The following TNRC18 variants were observed in gnomAD, a reference collection of about 807,000 sequenced individuals.
TNRC18 encodes trinucleotide repeat-containing gene 18 protein.
In TNRC18, 69 loss-of-function variants were observed where a neutral mutation model predicts 226.7. The observed-to-expected ratio is 0.30, with a 90% CI of 0.25 to 0.37. The LOEUF (loss-of-function observed/expected upper bound fraction) is 0.37, where lower values mean the gene tolerates loss of function less well. Ranked by LOEUF, TNRC18 falls within the 10% of genes least tolerant of loss-of-function variation. The pLI is 1.00. For missense variants in TNRC18, 4,754 were observed against 4,256.6 expected (o/e 1.12, Z -3.25); for synonymous variants, 2,449 against 1,927.6 (o/e 1.27, Z -7.09).
In TNRC18 at chr7:5,346,033, G is replaced by A. The variant is rs75500366; in HGVS notation, c.5471-223C>T. ...CAACGCGGGCATCCCAGAAAGCCCG[G>A]AGGTGGGCAGCGGCCTTGTGTGTCA... On this transcript the variant is annotated intron_variant, in intron 17 of 29. Coordinates refer to ENST00000430969, the MANE Select transcript of TNRC18 (RefSeq NM_001080495.3). Among the ~76,000 whole-genome samples, 644 of 152,360 alleles carry A rather than the reference G, an allele frequency of 4.2e-3. 3 individuals carry two copies. The highest frequency in any genetic ancestry group is 7.4e-3 in the Non-Finnish European group (501 of 68,030).
Position 5,307,195 on chromosome 7 carries a change from G to A in TNRC18, c.*911C>T, listed in dbSNP as rs1301490673. ...AACAGGAAATAAAAAATAATATTCT[G>A]CACGTCAGAATGTTTTTTTTTATAA... is the stretch of plus-strand genomic sequence containing the variant. On this transcript the variant is annotated 3_prime_UTR_variant, in exon 30 of 30. Transcript: ENST00000430969. The A allele has an allele frequency of 2.0e-5, 2 of 101,144 alleles. No individual in the cohort carries two copies. Among genetic ancestry groups the A allele is most frequent in the African/African-American group, 4.1e-5 (1 of 24,488 alleles). 6.3% of individuals were successfully genotyped at this position (101,144 alleles called of 1,614,324 possible). A position where few individuals can be genotyped will look rare whatever the true frequency, so the allele number is the denominator to read the frequency against.
Position 5,377,652 on chromosome 7 carries a change from A to C in TNRC18, c.2256-76T>G, listed in dbSNP as rs560786772. ...GAGAGGGAGAAGCGGGGTTGCCCCA[A>C]GGAACTGTTTGCCACCAGGCCATGA... On this transcript the variant is annotated intron_variant, in intron 6 of 29. Coordinates refer to ENST00000430969, the MANE Select transcript of TNRC18 (RefSeq NM_001080495.3). This position sits in a 1 kb window ranked among gnomAD's most constrained non-coding sequence, Gnocchi z 5.8. 6.1e-5 allele frequency: 89 copies of C among 1,455,026 alleles called. No individual in the cohort carries two copies. The African/African-American group carries it at 1.0e-3, about 17-fold the overall frequency. 90.1% of individuals were successfully genotyped at this position (1,455,026 alleles called of 1,614,324 possible).
intron 19 of TNRC18, among the ~76,000 whole-genome samples, chr7:5,325,838 G>A (rs529665954): frequency 1.1e-4 from 15 of 142,630 alleles, no homozygotes; most frequent in Non-Finnish European, 1.9e-4. Flanking sequence ...CTGGGCTCAC[G>A]TTATCCTCCT....
At chr7:5,315,674 G>C (rs1787779583) in intron 25 of TNRC18, among the ~76,000 whole-genome samples, 1 of 152,188 alleles carries the variant, frequency 6.6e-6, no homozygotes, top group African/African-American at 2.4e-5. Context: ...CGCCCATCTT[G>C]GCCTCCCAAA....
intron 18 of TNRC18, among the ~76,000 whole-genome samples, chr7:5,335,209 A>G (rs1292387154): frequency 1.3e-5 from 2 of 149,920 alleles, no homozygotes; most frequent in African/African-American, 4.9e-5. Context: ...AGGCTTAGGC[A>G]GGAGAATCAC....
At position 5,321,183 on chromosome 7, in the gene TNRC18, G is replaced by C. The variant is rs185393033; in HGVS notation, c.6450C>G (p.Arg2150=). 1.1e-3 allele frequency: 1,648 copies of C among 1,545,776 alleles called. 8 individuals are homozygous for C. The African/African-American group carries it at 0.021, about 19-fold the overall frequency. The change falls in exon 22 of 30, where the codon CGC becomes CGG. Residue 2150 remains arginine (R), a synonymous_variant. Transcript: ENST00000430969. The part of the protein sequence containing the change: ...AVERPLTPAP[R]SCIIDKDELK... ...GCTCATCCTTGTCGATGATGCAGGAGCGAGGGGCTGCAGGGGTTGGATCGT... is the reference window on the plus strand; with the variant it reads ...GCTCATCCTTGTCGATGATGCAGGACCGAGGGGCTGCAGGGGTTGGATCGT...
At chr7:5,350,230 G>C (rs1224606911) in intron 17 of TNRC18, among the ~76,000 whole-genome samples, 1 of 152,100 alleles carries the variant, frequency 6.6e-6, no homozygotes, top group Non-Finnish European at 1.5e-5. Flanking sequence ...GCTGGCCAGT[G>C]GGTCGGGGGC....
chr7:5,384,600 G>A (rs1011990600), intron 5 of TNRC18, among the ~76,000 whole-genome samples: 44 of 151,736 alleles, frequency 2.9e-4, no homozygotes, highest in Admixed American at 2.8e-3. Flanking sequence ...GGACTCCAGT[G>A]ACCGTGAGCC....
intron 18 of TNRC18, among the ~76,000 whole-genome samples, chr7:5,341,633 G>A (rs1201480546): frequency 4.0e-5 from 6 of 151,628 alleles, no homozygotes; most frequent in South Asian, 2.1e-4. Flanking sequence ...ATGTGGTGGT[G>A]CACGCCTGTA....
chr7:5,332,170 C>T (rs959530830), intron 19 of TNRC18, among the ~76,000 whole-genome samples: 1 of 152,122 alleles, frequency 6.6e-6, no homozygotes, highest in Non-Finnish European at 1.5e-5. Context: ...AGCATGGTGG[C>T]TCATGCCTGT....
Position 5,374,562 on chromosome 7 carries a change from C to T in TNRC18, c.2800-78G>A, listed in dbSNP as rs936887694. 2.9e-5 allele frequency: 42 copies of T among 1,424,858 alleles called. 1 individual carries two copies. In the South Asian group the frequency reaches 5.1e-4, roughly 17 times the overall value. The allele number at this position is 1,424,858 out of a possible 1,614,324, so 88.3% of individuals were successfully genotyped here. A position where few individuals can be genotyped will look rare whatever the true frequency, so the allele number is the denominator to read the frequency against. On this transcript the variant is annotated intron_variant, in intron 9 of 29. Coordinates refer to ENST00000430969, the MANE Select transcript of TNRC18 (RefSeq NM_001080495.3). ...GACGCCCGCACCTGCCCTGTCCCCC[C>T]AAGGGTCCCCGAGTCCGAGGAGAAC...
intron 19 of TNRC18, among the ~76,000 whole-genome samples, chr7:5,330,399 ATTG>A (rs1464385954): frequency 1.3e-5 from 2 of 148,922 alleles, no homozygotes; most frequent in African/African-American, 4.9e-5. Context: ...CTCCCAGCTA[ATTG>A]TTTTTTTGTT....
chr7:5,330,050 A>G (rs1789351963), intron 19 of TNRC18: 1 of 469,154 alleles, frequency 2.1e-6, no homozygotes, highest in Non-Finnish European at 4.4e-6. Flanking sequence ...GCATCCCAAG[A>G]ACAGACACTG....
intron 9 of TNRC18, among the ~76,000 whole-genome samples, chr7:5,375,001 G>C (rs973079742): frequency 1.3e-5 from 2 of 152,194 alleles, no homozygotes; most frequent in Non-Finnish European, 2.9e-5. Flanking sequence ...TACCTGGGCC[G>C]GTCAGTCAAT....
Position 5,312,800 on chromosome 7 carries a change from C to T in TNRC18, c.8091G>A (p.Ala2697=), listed in dbSNP as rs749764256. 2.0e-5 allele frequency: 30 copies of T among 1,534,420 alleles called. No individual in the cohort carries two copies. Among genetic ancestry groups the T allele is most frequent in the East Asian group, 1.1e-4 (5 of 44,076 alleles). Residue 2697 remains alanine, a synonymous_variant, in exon 27 of 30, where the codon GCG becomes GCA. Transcript: ENST00000430969. The surrounding 1 kb of genome is among the most constrained non-coding windows in gnomAD (Gnocchi z 6.3). The stretch of plus-strand genomic sequence containing the variant: ...GCTTGGTGGCCTTGGTGGGGAGCGC[C>T]GCCTGCGCGGAAGGGCCAGCCGTGG... The part of the protein sequence containing the change: ...PAPTAGPSAQ[A]ALPTKATKQA...
chr7:5,335,255 T>A (rs1226677951), intron 18 of TNRC18, among the ~76,000 whole-genome samples: 1 of 126,846 alleles, frequency 7.9e-6, no homozygotes, highest in African/African-American at 2.9e-5. Flanking sequence ...TGAGCAGACA[T>A]TGCACCACTG....
intron 19 of TNRC18, among the ~76,000 whole-genome samples, chr7:5,328,143 G>C (rs375141221): frequency 6.6e-6 from 1 of 152,030 alleles, no homozygotes; most frequent in Admixed American, 6.6e-5. Context: ...ACTTGAACCC[G>C]GGAGGCAGAG....
At chr7:5,359,641 G>A in intron 14 of TNRC18, 72 bp from the exon 15 acceptor site, 2 of 1,583,498 alleles carry the variant, frequency 1.3e-6, no homozygotes, top group Non-Finnish European at 1.7e-6. Context: ...CACCCTCATG[G>A]CCCTGAAGGG....
At chr7:5,320,090 G>A (rs1788195206) in intron 24 of TNRC18, 2 of 522,724 alleles carry the variant, frequency 3.8e-6, no homozygotes, top group Non-Finnish European at 7.0e-6. Flanking sequence ...GAGCTAGTGT[G>A]AAGCCAGCAC....
Sources: gnomAD v4.1 joint callset for allele counts (sites outside exome capture counted in the v4.1 genomes callset) on GRCh38, gnomAD v4.1.1 for gene constraint, Gnocchi (gnomAD v3.1) non-coding constraint, MANE v1.5 for transcripts, NCBI Gene and HGNC (gene_info 2026-07-23, HGNC 2026-07-21) for gene names.